Variants in ADGRE1 observed in about 807,000 individuals in gnomAD.
The protein encoded by ADGRE1 is EGF-like module receptor 1.
A neutral mutation model predicts 102.7 loss-of-function variants in ADGRE1; 82 were observed. The ratio of observed to expected loss-of-function variants is 0.80; its 90% CI spans 0.67 to 0.96. ADGRE1 has a LOEUF of 0.96. Among genes scored for constraint, ADGRE1 ranks in the 40% least tolerant of loss-of-function variants. ADGRE1 has a pLI of 0.00. For missense variants in ADGRE1, 1,032 were observed against 1,085.3 expected, an observed-to-expected ratio of 0.95 and a Z score of 0.69; for synonymous variants, 398 against 399.6, an observed-to-expected ratio of 1.00 and a Z score of 0.05.
Position 6,921,693 on chromosome 19 carries a change from T to G in ADGRE1, c.1621-20T>G, listed in dbSNP as rs1171812139. ...GATTCCCAGAAGACCTTTGTTTTTT[T>G]GTTTTTTTGTTTTTTTTAGCCAAAG... On this transcript the variant is annotated intron_variant, in intron 13 of 20. Coordinates refer to ENST00000312053, the MANE Select transcript of ADGRE1 (RefSeq NM_001974.5). 5.8e-6 allele frequency: 9 copies of G among 1,554,270 alleles called. No individual in the cohort carries two copies. Among genetic ancestry groups the G allele is most frequent in the Non-Finnish European group, 7.8e-6 (9 of 1,157,154 alleles).
At chr19:6,923,585 C>T (rs971526410) in intron 14 of ADGRE1, among the ~76,000 whole-genome samples, 1 of 152,004 alleles carries the variant, frequency 6.6e-6, no homozygotes, top group African/African-American at 2.4e-5. Flanking sequence ...GGCTGGAGTG[C>T]AGAGGTGTGA....
chr19:6,898,549 A>G (rs1176366281), intron 5 of ADGRE1: 35 of 1,521,218 alleles, frequency 2.3e-5, no homozygotes, highest in South Asian at 3.4e-5. Flanking sequence ...GAGGCACCCA[A>G]TTTCTTATCT....
chr19:6,937,781 T>C (rs1011865260), intron 20 of ADGRE1, 133 bp downstream of exon 20: 4 of 677,150 alleles, frequency 5.9e-6, no homozygotes, highest in Non-Finnish European at 1.0e-5. Context: ...ATGGATGAAG[T>C]GTGGAGTTGA....
intron 14 of ADGRE1, among the ~76,000 whole-genome samples, chr19:6,922,338 G>A (rs529740134): frequency 2.6e-5 from 4 of 152,216 alleles, no homozygotes; most frequent in Admixed American, 1.3e-4. Context: ...GGTGTTGGCC[G>A]GGTGTGGTGG....
chr19:6,917,022 G>T (rs757043630), intron 12 of ADGRE1, among the ~76,000 whole-genome samples: 73 of 152,088 alleles, frequency 4.8e-4, no homozygotes, highest in Non-Finnish European at 1.0e-3. Context: ...TCTGTAGAGG[G>T]CTCGTTAGTA....
At chr19:6,934,125 G>A (rs539720587) in intron 17 of ADGRE1, among the ~76,000 whole-genome samples, 1 of 152,194 alleles carries the variant, frequency 6.6e-6, no homozygotes, top group African/African-American at 2.4e-5. Flanking sequence ...CAGAGAAGTG[G>A]GGAAGGTTTA....
chr19:6,905,416 G>A (rs1016025501), intron 8 of ADGRE1, among the ~76,000 whole-genome samples: 1 of 150,320 alleles, frequency 6.7e-6, no homozygotes, highest in Admixed American at 6.6e-5. Flanking sequence ...GCAGGGGCGC[G>A]ATCTCAGCTC....
intron 1 of ADGRE1, among the ~76,000 whole-genome samples, chr19:6,888,034 TCC>T (rs1175881969): frequency 8.5e-5 from 13 of 152,214 alleles, no homozygotes; most frequent in Admixed American, 2.0e-4. Flanking sequence ...ATAGAGTGTA[TCC>T]AATTGTCACA....
intron 5 of ADGRE1, chr19:6,897,810 C>G (rs1366165856): frequency 1.7e-5 from 4 of 241,750 alleles, no homozygotes; most frequent in African/African-American, 9.0e-5. Flanking sequence ...CAATCTATAT[C>G]TTTTAAGTGG....
At chr19:6,926,137 A>C (rs1402077321) in intron 15 of ADGRE1, among the ~76,000 whole-genome samples, 1 of 152,216 alleles carries the variant, frequency 6.6e-6, no homozygotes, top group Admixed American at 6.5e-5. Context: ...ACTGAAAGTC[A>C]TGCGTCTTGG....
intron 5 of ADGRE1, among the ~76,000 whole-genome samples, chr19:6,901,492 G>A (rs570704715): frequency 5.2e-4 from 79 of 152,292 alleles, no homozygotes; most frequent in African/African-American, 1.7e-3. Flanking sequence ...TGTATTTAAG[G>A]GGTAGAGAAA....
intron 13 of ADGRE1, 27 bp from the exon 14 acceptor site, chr19:6,921,686 G>GC: frequency 6.5e-7 from 1 of 1,537,084 alleles, no homozygotes; most frequent in South Asian, 1.2e-5. Context: ...GAAGACCTTT[G>GC]TTTTTTTGTT....
Position 6,924,772 on chromosome 19 carries a change from C to T in ADGRE1, c.1886C>T (p.Ser629Phe), listed in dbSNP as rs371531602. 6.2e-7 allele frequency: 1 copy of T among 1,614,146 alleles called. No homozygotes were observed. Among genetic ancestry groups the T allele is most frequent in the Non-Finnish European group, 8.5e-7 (1 of 1,180,032 alleles). ...LAIATFLLCR[S>F]IRNHNTYLHL... ...ATCGCCACCTTTCTGCTGTGTCGCT[C>T]CATCCGAAATCACAACACCTACCTC... The change falls in exon 15 of 21, where the codon TCC becomes TTC. Residue 629 changes from serine to phenylalanine, a missense_variant. Transcript: ENST00000312053.
At chr19:6,936,835 C>T (rs892184883) in intron 18 of ADGRE1, among the ~76,000 whole-genome samples, 4 of 152,070 alleles carry the variant, frequency 2.6e-5, no homozygotes, top group Non-Finnish European at 5.9e-5. Flanking sequence ...GTTAACCAGG[C>T]TGGGCTCGAA....
chr19:6,889,108 T>A (rs1973252733), intron 1 of ADGRE1, among the ~76,000 whole-genome samples: 1 of 151,600 alleles, frequency 6.6e-6, no homozygotes, highest in Non-Finnish European at 1.5e-5. Flanking sequence ...ATGGTGATGA[T>A]GGTGATGATG....
chr19:6,915,276 G>A (rs1974332980), intron 11 of ADGRE1, among the ~76,000 whole-genome samples: 1 of 152,112 alleles, frequency 6.6e-6, no homozygotes, highest in African/African-American at 2.4e-5. Flanking sequence ...CAAAGTACTA[G>A]GATTACAGGC....
chr19:6,906,038 C>T (rs1367970494), intron 8 of ADGRE1, among the ~76,000 whole-genome samples: 5 of 152,174 alleles, frequency 3.3e-5, no homozygotes, highest in East Asian at 1.9e-4. Context: ...TATCATACTA[C>T]ATATGACTAT....
intron 10 of ADGRE1, 102 bp downstream of exon 10, chr19:6,908,874 C>A: frequency 9.4e-7 from 1 of 1,063,072 alleles, no homozygotes; most frequent in Non-Finnish European, 1.4e-6. Context: ...TGGCTCACAC[C>A]CATAATCCCA....
In ADGRE1 at chr19:6,937,252, C is replaced by A; in HGVS notation, c.2391C>A (p.Thr797=). ...VSTLKDTRLL[T]FKAFAQLFIL... ...TACATCTTCTCCCCAGGTTACTGAC[C>A]TTCAAGGCCTTTGCCCAGCTCTTCA... The change falls in exon 19 of 21, where the codon ACC becomes ACA. Residue 797 remains threonine (T), a synonymous_variant. Coordinates refer to ENST00000312053, the MANE Select transcript of ADGRE1 (RefSeq NM_001974.5). 1.2e-6 allele frequency: 2 copies of A among 1,613,646 alleles called. No individual in the cohort carries two copies. The highest frequency in any genetic ancestry group is 2.2e-5 in the South Asian group (2 of 91,016).
Sources: gnomAD v4.1 joint callset for allele counts (sites outside exome capture counted in the v4.1 genomes callset) on GRCh38, gnomAD v4.1.1 for gene constraint, MANE v1.5 for transcripts, NCBI Gene and HGNC (gene_info 2026-07-23, HGNC 2026-07-21) for gene names.